Variants in IQGAP2 observed in about 807,000 individuals in gnomAD.
The protein encoded by IQGAP2 is IQ motif containing GTPase activating protein 2.
Under a neutral mutation model 201.3 loss-of-function variants are expected in IQGAP2, and 173 were observed. The ratio of observed to expected loss-of-function variants is 0.86; its 90% CI spans 0.76 to 0.98. IQGAP2 has a LOEUF of 0.98. Among genes scored for constraint, IQGAP2 ranks in the 50% least tolerant of loss-of-function variants. The pLI is 0.00. For synonymous variants in IQGAP2, 675 were observed against 673.9 expected (o/e 1.00, Z -0.03); for missense variants, 1,687 against 1,864.8 (o/e 0.90, Z 1.76).
intron 1 of IQGAP2, among the ~76,000 whole-genome samples, chr5:76,442,850 G>A (rs1030157863): frequency 5.9e-5 from 9 of 152,140 alleles, no homozygotes; most frequent in African/African-American, 1.9e-4. Flanking sequence ...AGCCAGGCAT[G>A]GTGGTGGGTG....
intron 3 of IQGAP2, among the ~76,000 whole-genome samples, chr5:76,562,773 C>G (rs1383465069): frequency 6.6e-6 from 1 of 152,166 alleles, no homozygotes; most frequent in African/African-American, 2.4e-5. Context: ...TATGGGGCTT[C>G]CCAATGCCTC....
intron 20 of IQGAP2, among the ~76,000 whole-genome samples, chr5:76,657,911 T>C (rs1742896096): frequency 6.6e-6 from 1 of 152,208 alleles, no homozygotes; most frequent in African/African-American, 2.4e-5. Flanking sequence ...AAGTAGAACA[T>C]TCGTTTTACT....
At chr5:76,627,593 G>T in intron 14 of IQGAP2, 93 bp downstream of exon 14, 1 of 738,554 alleles carries the variant, frequency 1.4e-6, no homozygotes, top group Admixed American at 2.3e-5. Flanking sequence ...GAAAGATTTG[G>T]ATTCTTACCA....
chr5:76,535,042 A>G (rs2047731), intron 2 of IQGAP2, among the ~76,000 whole-genome samples: 77,030 of 151,984 alleles, frequency 0.51, 19,910 homozygotes, highest in South Asian at 0.75. Flanking sequence ...CTGGTGAGGT[A>G]GGGACACAGC....
intron 10 of IQGAP2, among the ~76,000 whole-genome samples, chr5:76,600,379 A>C (rs977482233): frequency 1.6e-4 from 24 of 152,160 alleles, no homozygotes; most frequent in African/African-American, 5.8e-4. Context: ...ATAACTTTTC[A>C]GTGAAATTCT....
At chr5:76,602,989 CTG>C (rs566440828) in intron 11 of IQGAP2, among the ~76,000 whole-genome samples, 1 of 152,212 alleles carries the variant, frequency 6.6e-6, no homozygotes, top group South Asian at 2.1e-4. Context: ...TGGGCATACA[CTG>C]TTCCCAGATT....
At chr5:76,624,424 A>T (rs1038214946) in intron 13 of IQGAP2, 4 of 152,240 alleles carry the variant, frequency 2.6e-5, no homozygotes, top group Non-Finnish European at 5.9e-5. Flanking sequence ...CTAGGAAGAA[A>T]TTGATCTGCG....
At chr5:76,669,631 A>G (rs1744115588) in intron 23 of IQGAP2, among the ~76,000 whole-genome samples, 1 of 152,214 alleles carries the variant, frequency 6.6e-6, no homozygotes, top group Admixed American at 6.5e-5. Context: ...CAATTTTTAT[A>G]AGAAGAGATA....
chr5:76,605,527 T>G (rs1364627725), intron 11 of IQGAP2, among the ~76,000 whole-genome samples: 1 of 152,058 alleles, frequency 6.6e-6, no homozygotes. Flanking sequence ...CTAGGAGCCT[T>G]TGGAGAAATG....
chr5:76,650,939 T>G (rs1273124748), intron 17 of IQGAP2, among the ~76,000 whole-genome samples: 1 of 152,206 alleles, frequency 6.6e-6, no homozygotes, highest in Non-Finnish European at 1.5e-5. Flanking sequence ...TCTACACAGG[T>G]GCTTTAATTT....
intron 1 of IQGAP2, among the ~76,000 whole-genome samples, chr5:76,437,484 T>G (rs781080494): frequency 5.9e-5 from 9 of 152,198 alleles, no homozygotes; most frequent in Admixed American, 3.9e-4. Context: ...CACCTAGGTA[T>G]TAAGCCCCAA....
At chr5:76,492,729 T>C (rs1409546229) in intron 2 of IQGAP2, among the ~76,000 whole-genome samples, 1 of 152,174 alleles carries the variant, frequency 6.6e-6, no homozygotes. Context: ...AGGAGACTTT[T>C]GCAGTAGTCT....
At chr5:76,626,382 C>T (rs1203659842) in intron 13 of IQGAP2, among the ~76,000 whole-genome samples, 1 of 148,694 alleles carries the variant, frequency 6.7e-6, no homozygotes, top group African/African-American at 2.5e-5. Flanking sequence ...AAGCAATCCT[C>T]CCGCCTTCCT....
chr5:76,626,689 G>T (rs1362011815), intron 13 of IQGAP2, among the ~76,000 whole-genome samples: 2 of 152,066 alleles, frequency 1.3e-5, no homozygotes, highest in East Asian at 3.9e-4. Flanking sequence ...CGATCCCTGT[G>T]TTTCTCTCAA....
At chr5:76,657,769 C>G (rs909653466) in intron 20 of IQGAP2, among the ~76,000 whole-genome samples, 2 of 152,142 alleles carry the variant, frequency 1.3e-5, no homozygotes, top group East Asian at 1.9e-4. Flanking sequence ...AGGGGAAAAC[C>G]CTTTTAGAAT....
In IQGAP2 at chr5:76,610,565, C is replaced by CA. The variant is rs10560903; in HGVS notation, c.1358-443dup. Among the ~76,000 whole-genome samples, 207 of 143,834 alleles carry CA rather than the reference C, an allele frequency of 1.4e-3. 1 individual carries two copies. The highest frequency in any genetic ancestry group is 5.6e-3 in the East Asian group (27 of 4,794). 94.4% of individuals were successfully genotyped at this position (143,834 alleles called of 152,430 possible). On this transcript the variant is annotated intron_variant, in intron 12 of 35. Transcript: ENST00000274364. ...CCTGGGGGACAGAGCAAGAATCTCT[C>CA]AAAAAAAAAAAATAAAAATAAAAAC...
At position 76,403,302 on chromosome 5, in the gene IQGAP2, C is replaced by T. The variant is rs1750610510; in HGVS notation, c.-244C>T. 4 of 349,520 alleles carry T rather than the reference C, an allele frequency of 1.1e-5. No individual in the cohort carries two copies. The highest frequency in any genetic ancestry group is 8.6e-5 in the East Asian group (2 of 23,188). The allele number at this position is 349,520 out of a possible 1,614,324, so 21.7% of individuals were successfully genotyped here. The stretch of plus-strand genomic sequence containing the variant: ...GAGAAAGGAAACCTGCTGCGGGAGG[C>T]GGCGGCGACCGGCCAGGGAGCGAGG... On this transcript the variant is annotated 5_prime_UTR_variant, in exon 1 of 36. Coordinates refer to ENST00000274364, the MANE Select transcript of IQGAP2 (RefSeq NM_006633.5). This position sits in a 1 kb window ranked among gnomAD's most constrained non-coding sequence, Gnocchi z 4.8.
intron 5 of IQGAP2, among the ~76,000 whole-genome samples, chr5:76,580,266 A>C: frequency 6.8e-6 from 1 of 146,098 alleles, no homozygotes; most frequent in African/African-American, 2.6e-5. Context: ...ACAGAGGGAG[A>C]CTCCATCTCA....
intron 2 of IQGAP2, among the ~76,000 whole-genome samples, chr5:76,502,564 G>A (rs558131779): frequency 6.6e-6 from 1 of 152,236 alleles, no homozygotes; most frequent in Admixed American, 6.5e-5. Context: ...CACTGTAGGT[G>A]TCCAACCTAA....
Sources: gnomAD v4.1 joint callset for allele counts (sites outside exome capture counted in the v4.1 genomes callset) on GRCh38, gnomAD v4.1.1 for gene constraint, Gnocchi (gnomAD v3.1) non-coding constraint, MANE v1.5 for transcripts, NCBI Gene and HGNC (gene_info 2026-07-23, HGNC 2026-07-21) for gene names.